AKAP8L: variants seen among roughly 807,000 people sequenced by gnomAD.
AKAP8L encodes A-kinase anchoring protein 8 like.
A neutral mutation model predicts 77.5 loss-of-function variants in AKAP8L; 34 were observed. That is an observed-to-expected ratio of 0.44 (90% CI 0.33 to 0.58). The LOEUF is 0.58. AKAP8L is among the 20% of genes least tolerant of loss of function. The pLI, the probability that AKAP8L is intolerant of heterozygous loss-of-function variation, is 0.02. For synonymous variants in AKAP8L, 342 were observed against 340.7 expected, an observed-to-expected ratio of 1.00 and a Z score of -0.04; for missense variants, 806 against 887.6, an observed-to-expected ratio of 0.91 and a Z score of 1.17.
rs748800845 is a variant in AKAP8L at position 15,401,159 on chromosome 19, G to A, written c.807C>T (p.Ala269=). 5.6e-6 allele frequency: 9 copies of A among 1,606,020 alleles called. No individual in the cohort carries two copies. Among genetic ancestry groups the A allele is most frequent in the African/African-American group, 1.3e-5 (1 of 74,980 alleles). Residue 269 remains alanine, a synonymous_variant, in exon 5 of 14, where the codon GCC becomes GCT. Coordinates refer to ENST00000397410, the MANE Select transcript of AKAP8L (RefSeq NM_014371.4). This position sits in a 1 kb window ranked among gnomAD's most constrained non-coding sequence, Gnocchi z 6.2. ...MRRTWKTWTT[A]DFRTKKKKRK... ...GGCTGCCTCCACTCACTCGGAAGTC[G>A]GCTGTGGTCCAGGTCTTCCAGGTCC...
In AKAP8L at chr19:15,397,173, T is replaced by C. The variant is rs376471318; in HGVS notation, c.1513A>G (p.Met505Val). The change falls in exon 12 of 14, where the codon ATG (methionine) becomes GTG (valine). Residue 505 changes from methionine to valine, a missense_variant. Physicochemically the swap from Met to Val is conservative, Grantham distance 21. This residue lies in a region of AKAP8L where 580 missense variants were observed against 694.1 expected (regional missense o/e 0.84). Coordinates refer to ENST00000397410, the MANE Select transcript of AKAP8L (RefSeq NM_014371.4). The surrounding 1 kb of genome is among the most constrained non-coding windows in gnomAD (Gnocchi z 4.7). ...ACCCTGCGGTTCCGGTTGTGATCCATGGTCTTCAGATGCTTCTGGATGATC... is the reference window on the plus strand; with the variant it reads ...ACCCTGCGGTTCCGGTTGTGATCCACGGTCTTCAGATGCTTCTGGATGATC... ...FGIIQKHLKT[M>V]DHNRNRRLMM... 2 of 1,613,974 alleles carry C rather than the reference T, an allele frequency of 1.2e-6. No individual in the cohort carries two copies. Among genetic ancestry groups the C allele is most frequent in the Non-Finnish European group, 1.7e-6 (2 of 1,179,894 alleles).
intron 1 of AKAP8L, among the ~76,000 whole-genome samples, chr19:15,417,880 G>C (rs940241293): frequency 6.6e-6 from 1 of 152,200 alleles, no homozygotes; most frequent in African/African-American, 2.4e-5. Flanking sequence ...GGAGGCCTTG[G>C]CAATTCACCC....
At chr19:15,414,869 GCTCA>G (rs1391245499) in intron 1 of AKAP8L, among the ~76,000 whole-genome samples, 1 of 152,244 alleles carries the variant, frequency 6.6e-6, no homozygotes, top group Non-Finnish European at 1.5e-5. Context: ...CACAATCACT[GCTCA>G]CTGTGGCCTC....
intron 12 of AKAP8L, chr19:15,381,013 A>T (rs1287964948): frequency 5.7e-6 from 1 of 176,550 alleles, no homozygotes; most frequent in Admixed American, 5.9e-5. Flanking sequence ...AGATATAAAA[A>T]CAGGAACAGA....
chr19:15,399,171 A>T lies in AKAP8L; in HGVS notation c.1157+131T>A. 1.3e-6 allele frequency: 1 copy of T among 785,082 alleles called. No homozygotes were observed. The allele number at this position is 785,082 out of a possible 1,614,324, so 48.6% of individuals were successfully genotyped here. A position where few individuals can be genotyped will look rare whatever the true frequency, so the allele number is the denominator to read the frequency against. On this transcript the variant is annotated intron_variant, in intron 9 of 13. Transcript: ENST00000397410. The surrounding 1 kb of genome is among the most constrained non-coding windows in gnomAD (Gnocchi z 6.1). ...CTGGGCCTGGCGGGAAGCAGGGTCC[A>T]TGCACGGCCGAGCAGGTGGCGGCTC...
Position 15,403,940 on chromosome 19 carries a change from G to A in AKAP8L, c.121+70C>T, listed in dbSNP as rs1407706990. The A allele has an allele frequency of 1.9e-5, 30 of 1,575,378 alleles. No individual in the cohort carries two copies. The highest frequency in any genetic ancestry group is 2.6e-5 in the Non-Finnish European group (30 of 1,147,416). ...CCCACTCCCAACCTTGGCCAAGCAG[G>A]GCAGTGGCAGAGAAACACAGCCAGG... On this transcript the variant is annotated intron_variant, in intron 3 of 13. Coordinates refer to ENST00000397410, the MANE Select transcript of AKAP8L (RefSeq NM_014371.4). The surrounding 1 kb of genome is among the most constrained non-coding windows in gnomAD (Gnocchi z 4.3).
In AKAP8L at chr19:15,396,162, A is replaced by G. The variant is rs1466968093; in HGVS notation, c.1536+988T>C. Among the ~76,000 whole-genome samples the G allele has an allele frequency of 3.3e-5, 5 of 152,088 alleles. No homozygotes were observed. In the East Asian group the frequency reaches 9.7e-4, roughly 29 times the overall value. On this transcript the variant is annotated intron_variant, in intron 12 of 13. Coordinates refer to ENST00000397410, the MANE Select transcript of AKAP8L (RefSeq NM_014371.4). ...CACCGTTCAGAATCATCACACCGAA[A>G]AAGACCAGAGAGGAATTGTGATGAG...
chr19:15,380,317 T>C lies in AKAP8L; in HGVS notation c.1746A>G (p.Ala582=). 6.5e-7 allele frequency: 1 copy of C among 1,535,310 alleles called. No homozygotes were observed. The highest frequency in any genetic ancestry group is 8.7e-7 in the Non-Finnish European group (1 of 1,146,320). ...QGEAAGISEG[A]EGVPAQPPVP... ...CGGGAGGCTGCGCCGGCACGCCCTCTGCGCCCTCCGAGATCCCTGCCGCTT... is the reference window on the plus strand; with the variant it reads ...CGGGAGGCTGCGCCGGCACGCCCTCCGCGCCCTCCGAGATCCCTGCCGCTT... Residue 582 remains alanine (A), a synonymous_variant, in exon 14 of 14, where the codon GCA becomes GCG. Transcript: ENST00000397410.
intron 12 of AKAP8L, among the ~76,000 whole-genome samples, chr19:15,395,093 G>A (rs530988990): frequency 2.0e-5 from 3 of 151,562 alleles, no homozygotes; most frequent in Admixed American, 6.6e-5. Context: ...GCAGTGGCAC[G>A]ATCTTGGCTT....
intron 2 of AKAP8L, among the ~76,000 whole-genome samples, chr19:15,404,467 C>G (rs1967959892): frequency 6.6e-6 from 1 of 152,218 alleles, no homozygotes; most frequent in African/African-American, 2.4e-5. Context: ...TGGAACACAT[C>G]AGTGAGAGAA....
intron 12 of AKAP8L, among the ~76,000 whole-genome samples, chr19:15,387,360 A>G (rs1456592588): frequency 6.6e-6 from 1 of 152,234 alleles, no homozygotes; most frequent in Non-Finnish European, 1.5e-5. Context: ...TTCACTGGCA[A>G]GAGTGTTGGG....
chr19:15,409,604 T>C (rs1290698309), intron 2 of AKAP8L, among the ~76,000 whole-genome samples: 1 of 152,084 alleles, frequency 6.6e-6, no homozygotes, highest in Non-Finnish European at 1.5e-5. Flanking sequence ...CCCTGTTAAT[T>C]CCAAAGAGGG....
At chr19:15,411,438 G>A (rs1276213271) in intron 1 of AKAP8L, among the ~76,000 whole-genome samples, 2 of 150,694 alleles carry the variant, frequency 1.3e-5, no homozygotes, top group Admixed American at 6.6e-5. Context: ...ACCAGCCTGG[G>A]CAACAGGGTG....
chr19:15,409,119 A>T (rs918513969), intron 2 of AKAP8L, among the ~76,000 whole-genome samples: 5 of 152,252 alleles, frequency 3.3e-5, no homozygotes, highest in Non-Finnish European at 7.3e-5. Flanking sequence ...CAAAACCATC[A>T]TCTATTAAAG....
At chr19:15,380,771 T>TATCTG (rs1967394593) in intron 12 of AKAP8L, 159 bp from the exon 13 acceptor site, 2 of 618,748 alleles carry the variant, frequency 3.2e-6, no homozygotes, top group Non-Finnish European at 5.7e-6. Flanking sequence ...AACCACAACC[T>TATCTG]ATCTGATCTT....
chr19:15,388,003 G>A (rs1967577000), intron 12 of AKAP8L, among the ~76,000 whole-genome samples: 1 of 151,986 alleles, frequency 6.6e-6, no homozygotes, highest in African/African-American at 2.4e-5. Flanking sequence ...CCCTATAAAG[G>A]AGCCCAAATT....
intron 2 of AKAP8L, among the ~76,000 whole-genome samples, chr19:15,407,967 C>T (rs1358009629): frequency 1.3e-5 from 2 of 152,188 alleles, no homozygotes; most frequent in Non-Finnish European, 2.9e-5. Flanking sequence ...CTGGAGGACT[C>T]ATATTTCAAG....
At chr19:15,412,238 T>C (rs1314856275) in intron 1 of AKAP8L, among the ~76,000 whole-genome samples, 2 of 151,838 alleles carry the variant, frequency 1.3e-5, no homozygotes, top group Non-Finnish European at 2.9e-5. Flanking sequence ...CAAAATTAGC[T>C]GGGTGTGGTG....
chr19:15,385,900 ACTTT>A (rs906261233), intron 12 of AKAP8L, among the ~76,000 whole-genome samples: 5 of 146,626 alleles, frequency 3.4e-5, no homozygotes, highest in Admixed American at 6.9e-5. Flanking sequence ...TATCCAGCCA[ACTTT>A]CTTTCTTTTT....
Sources: gnomAD v4.1 joint callset for allele counts (sites outside exome capture counted in the v4.1 genomes callset) on GRCh38, gnomAD v4.1.1 for gene constraint, gnomAD v4.1.1 regional missense constraint, Gnocchi (gnomAD v3.1) non-coding constraint, MANE v1.5 for transcripts, NCBI Gene and HGNC (gene_info 2026-07-23, HGNC 2026-07-21) for gene names.